SFT2D2: variants seen among roughly 807,000 people sequenced by gnomAD.
The protein encoded by SFT2D2 is vesicle transport protein SFT2B.
A neutral mutation model predicts 27.4 loss-of-function variants in SFT2D2; 21 were observed. That is an observed-to-expected ratio of 0.77 (90% CI 0.54 to 1.10). The LOEUF is 1.10. Ranked by LOEUF, SFT2D2 falls within the 50% of genes least tolerant of loss-of-function variation. The pLI is 0.00. For missense variants in SFT2D2, 187 were observed against 194.2 expected (o/e 0.96, Z 0.22); for synonymous variants, 72 against 71.7 (o/e 1.00, Z -0.02).
rs1390316293 is a variant in SFT2D2 at position 168,252,042 on chromosome 1, A to G, written c.*9502A>G. The G allele has an allele frequency of 6.6e-6, 1 of 152,190 alleles. No individual in the cohort carries two copies. The highest frequency in any genetic ancestry group is 1.5e-5 in the Non-Finnish European group (1 of 68,034). The allele number at this position is 152,190 out of a possible 1,614,324, so 9.4% of individuals were successfully genotyped here. A position where few individuals can be genotyped will look rare whatever the true frequency, so the allele number is the denominator to read the frequency against. On this transcript the variant is annotated 3_prime_UTR_variant, in exon 8 of 8. Transcript: ENST00000271375. Reference sequence around the variant, plus strand: ...ATTTTCACTTCTACCCTAAATTCATAGTCCCTGATACTTAAGCTTTACCCT... The same window carrying G: ...ATTTTCACTTCTACCCTAAATTCATGGTCCCTGATACTTAAGCTTTACCCT...
chr1:168,240,317 C>A (rs1210069397), intron 7 of SFT2D2, among the ~76,000 whole-genome samples: 1 of 151,892 alleles, frequency 6.6e-6, no homozygotes, highest in Admixed American at 6.6e-5. Flanking sequence ...TGATTGGATG[C>A]GAAGTTAAGC....
rs777815103 is a variant in SFT2D2 at position 168,244,126 on chromosome 1, T to A, written c.*1586T>A. ...TGCTGGTTGTCCCCTTTCTTGTGGC[T>A]AATTGCTGAACCTTTCTTTGTCCTA... On this transcript the variant is annotated 3_prime_UTR_variant, in exon 8 of 8. Transcript: ENST00000271375. 3 of 152,202 alleles carry A rather than the reference T, an allele frequency of 2.0e-5. No homozygotes were observed. In the East Asian group the frequency reaches 5.8e-4, roughly 29 times the overall value. 9.4% of individuals were successfully genotyped at this position (152,202 alleles called of 1,614,324 possible). A position where few individuals can be genotyped will look rare whatever the true frequency, so the allele number is the denominator to read the frequency against.
At chr1:168,236,797 C>T in intron 6 of SFT2D2, 27 bp downstream of exon 6, 1 of 1,606,864 alleles carries the variant, frequency 6.2e-7, no homozygotes, top group African/African-American at 1.3e-5. Flanking sequence ...ACAATCCCCT[C>T]CCACATAGCC....
rs377115232 is a variant in SFT2D2 at position 168,236,686 on chromosome 1, C to A, written c.355-26C>A. 18 of 1,613,848 alleles carry A rather than the reference C, an allele frequency of 1.1e-5. 1 individual carries two copies. In the African/African-American group the frequency reaches 2.4e-4, roughly 22 times the overall value. On this transcript the variant is annotated intron_variant, in intron 5 of 7. Transcript: ENST00000271375. Reference sequence around the variant, plus strand: ...CTTTTGCCCCTTGTCTCACACTCTCCTATAACCATATTATTATTTTTCCAG... The same window carrying A: ...CTTTTGCCCCTTGTCTCACACTCTCATATAACCATATTATTATTTTTCCAG...
chr1:168,231,613 T>C lies in SFT2D2; in HGVS notation c.150+13T>C. The C allele has an allele frequency of 1.9e-6, 3 of 1,611,650 alleles. No homozygotes were observed. In the African/African-American group the frequency reaches 4.0e-5, roughly 22 times the overall value. On this transcript the variant is annotated intron_variant, in intron 2 of 7. Coordinates refer to ENST00000271375, the MANE Select transcript of SFT2D2 (RefSeq NM_199344.3). Reference sequence around the variant, plus strand: ...CTGCTCACTGCTGGTAAGATTTCCCTTCCTCCTCTGTCTTTTCCTTCTACC... The same window carrying C: ...CTGCTCACTGCTGGTAAGATTTCCCCTCCTCCTCTGTCTTTTCCTTCTACC...
rs201548427 is a variant in SFT2D2, at chr1:168,242,525, C to T, written c.468C>T (p.Ala156=). Residue 156 remains alanine, a synonymous_variant, in exon 8 of 8, where the codon GCC becomes GCT. Coordinates refer to ENST00000271375, the MANE Select transcript of SFT2D2 (RefSeq NM_199344.3). ...GGGATGCTGTGAAGAAGTGTTTTGCCGTGTGTCTTGCATAATTCATGGCCA... is the reference window on the plus strand; with the variant it reads ...GGGATGCTGTGAAGAAGTGTTTTGCTGTGTGTCTTGCATAATTCATGGCCA... ...FARDAVKKCF[A]VCLA The T allele has an allele frequency of 1.9e-5, 30 of 1,613,922 alleles. No homozygotes were observed. Among genetic ancestry groups the T allele is most frequent in the Admixed American group, 1.0e-4 (6 of 59,988 alleles).
At position 168,246,385 on chromosome 1, in the gene SFT2D2, CT is replaced by C; in HGVS notation, c.*3848del. 1 of 654,760 alleles carries C rather than the reference CT, an allele frequency of 1.5e-6. No individual in the cohort carries two copies. 40.6% of individuals were successfully genotyped at this position (654,760 alleles called of 1,614,324 possible). ...ACTTGCTTTTCTGTGCATTTTTCTA[CT>C]TTATCTTGGCCACTTGTGTACATTT... On this transcript the variant is annotated 3_prime_UTR_variant, in exon 8 of 8. Transcript: ENST00000271375.
intron 3 of SFT2D2, 35 bp downstream of exon 3, chr1:168,231,954 C>T (rs766809827): frequency 5.1e-6 from 8 of 1,573,876 alleles, no homozygotes; most frequent in Admixed American, 3.3e-5. Flanking sequence ...TTTAGCCAAT[C>T]ATTAGATGGG....
At chr1:168,235,033 G>A in intron 3 of SFT2D2, 68 bp from the exon 4 acceptor site, 3 of 1,351,352 alleles carry the variant, frequency 2.2e-6, no homozygotes, top group Non-Finnish European at 3.2e-6. Context: ...GAAATCTTGG[G>A]GAGGCGACTC....
intron 7 of SFT2D2, among the ~76,000 whole-genome samples, chr1:168,240,387 T>C (rs1301960311): frequency 6.6e-6 from 1 of 152,060 alleles, no homozygotes; most frequent in Admixed American, 6.5e-5. Flanking sequence ...GTAACAGTTA[T>C]GAAATACTCC....
chr1:168,230,433 C>T (rs957540633), intron 1 of SFT2D2, among the ~76,000 whole-genome samples: 4 of 152,176 alleles, frequency 2.6e-5, no homozygotes, highest in Non-Finnish European at 5.9e-5. Context: ...TTCCCACTTG[C>T]ATCAGGTGGA....
Position 168,246,408 on chromosome 1 carries a change from A to T in SFT2D2, c.*3868A>T. The T allele has an allele frequency of 3.5e-6, 3 of 866,424 alleles. No individual in the cohort carries two copies. The highest frequency in any genetic ancestry group is 5.0e-6 in the Non-Finnish European group (3 of 602,872). 53.7% of individuals were successfully genotyped at this position (866,424 alleles called of 1,614,324 possible). On this transcript the variant is annotated 3_prime_UTR_variant, in exon 8 of 8. Coordinates refer to ENST00000271375, the MANE Select transcript of SFT2D2 (RefSeq NM_199344.3). ...TACTTTATCTTGGCCACTTGTGTAC[A>T]TTTTTTCAATGTCCTTCATTTGACA...
intron 3 of SFT2D2, among the ~76,000 whole-genome samples, chr1:168,232,155 T>A (rs185243742): frequency 3.0e-4 from 46 of 152,350 alleles, no homozygotes; most frequent in African/African-American, 1.1e-3. Flanking sequence ...GTACAGAAAC[T>A]GCGACACAAA....
chr1:168,234,730 T>G (rs936389093), intron 3 of SFT2D2, among the ~76,000 whole-genome samples: 24 of 152,308 alleles, frequency 1.6e-4, no homozygotes, highest in African/African-American at 5.8e-4. Context: ...GAGCCTTGTT[T>G]GTTTCCATGA....
rs1647849851 is a variant in SFT2D2 at position 168,247,356 on chromosome 1, A to AT, written c.*4817dup. 1 of 177,686 alleles carries AT rather than the reference A, an allele frequency of 5.6e-6. No individual in the cohort carries two copies. Among genetic ancestry groups the AT allele is most frequent in the African/African-American group, 2.4e-5 (1 of 41,166 alleles). The allele number at this position is 177,686 out of a possible 1,614,324, so 11.0% of individuals were successfully genotyped here. ...ACCCCCGGACAGGCCCCGGTATGTG[A>AT]TGTTCCCCTCCCTTTTCCATGTGTT... On this transcript the variant is annotated 3_prime_UTR_variant, in exon 8 of 8. Transcript: ENST00000271375.
intron 6 of SFT2D2, among the ~76,000 whole-genome samples, chr1:168,238,209 G>A (rs1333735287): frequency 2.0e-5 from 3 of 152,140 alleles, no homozygotes; most frequent in Admixed American, 1.3e-4. Flanking sequence ...ACCTTTGGAC[G>A]TACTACATTT....
intron 3 of SFT2D2, among the ~76,000 whole-genome samples, chr1:168,233,468 T>A (rs1011857796): frequency 6.6e-6 from 1 of 152,234 alleles, no homozygotes; most frequent in Non-Finnish European, 1.5e-5. Context: ...TCCCCAGTTG[T>A]ACCCAAACTT....
At chr1:168,240,528 G>C (rs1258552017) in intron 7 of SFT2D2, among the ~76,000 whole-genome samples, 1 of 152,096 alleles carries the variant, frequency 6.6e-6, no homozygotes, top group African/African-American at 2.4e-5. Flanking sequence ...ATGAGATATT[G>C]ATCAACCTGC....
rs984529423 is a variant in SFT2D2 at position 168,231,906 on chromosome 1, G to A, written c.223G>A (p.Ala75Thr). The stretch of plus-strand genomic sequence containing the variant: ...AGTGTTTTATACCTTTGGTAATATC[G>A]CATCAATTGGGAGGTAACTGTTTTT... ...FAVFYTFGNI[A>T]SIGSTIFLMG... Residue 75 changes from alanine to threonine, a missense_variant, in exon 3 of 8, where the codon GCA (alanine) becomes ACA (threonine). Coordinates refer to ENST00000271375, the MANE Select transcript of SFT2D2 (RefSeq NM_199344.3). 5.0e-6 allele frequency: 8 copies of A among 1,613,870 alleles called. No homozygotes were observed. The highest frequency in any genetic ancestry group is 4.0e-5 in the African/African-American group (3 of 74,886).
Sources: gnomAD v4.1 joint callset for allele counts (sites outside exome capture counted in the v4.1 genomes callset) on GRCh38, gnomAD v4.1.1 for gene constraint, MANE v1.5 for transcripts, NCBI Gene and HGNC (gene_info 2026-07-23, HGNC 2026-07-21) for gene names.